TMEM117: variants seen among roughly 807,000 people sequenced by gnomAD.
The protein encoded by TMEM117 is transmembrane protein 117.
TMEM117 carries 27 observed loss-of-function variants against 52.4 expected under a neutral mutation model. That is an observed-to-expected ratio of 0.51 (90% CI 0.38 to 0.71). The LOEUF is 0.71. TMEM117 is among the 30% of genes least tolerant of loss of function. TMEM117 has a pLI of 0.00. For synonymous variants in TMEM117, 215 were observed against 206.3 expected, an observed-to-expected ratio of 1.04 and a Z score of -0.36; for missense variants, 556 against 630.5, an observed-to-expected ratio of 0.88 and a Z score of 1.26.
At chr12:43,985,897 CTA>C (rs1354615286) in intron 3 of TMEM117, among the ~76,000 whole-genome samples, 1 of 152,164 alleles carries the variant, frequency 6.6e-6, no homozygotes, top group Non-Finnish European at 1.5e-5. Context: ...GTTGAAAGTT[CTA>C]TGTTTGTTGG....
intron 3 of TMEM117, among the ~76,000 whole-genome samples, chr12:44,117,469 G>A (rs552591666): frequency 4.6e-5 from 7 of 152,034 alleles, no homozygotes; most frequent in East Asian, 1.9e-4. Context: ...ATCATGATTG[G>A]TCTTGTCCCC....
At chr12:43,920,635 C>G (rs1944678439) in intron 2 of TMEM117, among the ~76,000 whole-genome samples, 1 of 145,224 alleles carries the variant, frequency 6.9e-6, no homozygotes, top group Non-Finnish European at 1.5e-5. Context: ...ACTGCAGCCT[C>G]AAACTCCTGG....
At chr12:44,016,345 A>G (rs971667759) in intron 3 of TMEM117, among the ~76,000 whole-genome samples, 3 of 152,174 alleles carry the variant, frequency 2.0e-5, no homozygotes, top group African/African-American at 7.2e-5. Flanking sequence ...GTTTGCTTGC[A>G]GACCTAACTT....
intron 3 of TMEM117, among the ~76,000 whole-genome samples, chr12:44,020,378 A>G (rs1340678091): frequency 6.6e-6 from 1 of 152,164 alleles, no homozygotes; most frequent in Non-Finnish European, 1.5e-5. Flanking sequence ...CTCTTGGTCA[A>G]AGACCAACTG....
intron 3 of TMEM117, among the ~76,000 whole-genome samples, chr12:44,034,207 G>A (rs1946676891): frequency 6.6e-6 from 1 of 152,090 alleles, no homozygotes; most frequent in Non-Finnish European, 1.5e-5. Flanking sequence ...AAACCCTCCT[G>A]CTACATACAT....
At chr12:44,376,793 A>G in intron 7 of TMEM117, 69 bp downstream of exon 7, 2 of 1,473,762 alleles carry the variant, frequency 1.4e-6, no homozygotes, top group Non-Finnish European at 1.8e-6. Context: ...AGTTGCTGTA[A>G]AAAGCAAGCC....
intron 3 of TMEM117, among the ~76,000 whole-genome samples, chr12:44,090,398 TTTTATTTATTTA>T (rs199595783): frequency 0.036 from 4,434 of 123,156 alleles, 123 homozygotes; most frequent in African/African-American, 0.087. Context: ...TTATCTTACT[TTTTATTTATTTA>T]TTTATTTATT....
intron 5 of TMEM117, among the ~76,000 whole-genome samples, chr12:44,242,575 A>G (rs186687098): frequency 6.3e-4 from 96 of 151,374 alleles, no homozygotes; most frequent in South Asian, 1.7e-3. Context: ...TGCCTTTGCC[A>G]TTGTGAATAG....
At chr12:44,248,813 CT>C in intron 5 of TMEM117, 1 of 169,038 alleles carries the variant, frequency 5.9e-6, no homozygotes. Context: ...CAGAGAGCTT[CT>C]TTTGGTTTTC....
chr12:43,930,710 C>T (rs190080061), intron 2 of TMEM117, among the ~76,000 whole-genome samples: 151 of 152,260 alleles, frequency 9.9e-4, no homozygotes, highest in African/African-American at 3.3e-3. Context: ...TTATGACATC[C>T]GTTGTTGCTG....
At chr12:44,322,652 C>T (rs1367156216) in intron 6 of TMEM117, among the ~76,000 whole-genome samples, 1 of 152,032 alleles carries the variant, frequency 6.6e-6, no homozygotes, top group Non-Finnish European at 1.5e-5. Context: ...TAAAAAGGAA[C>T]TTGCAAATCT....
chr12:43,905,048 C>G (rs1450472030), intron 2 of TMEM117, among the ~76,000 whole-genome samples: 1 of 151,876 alleles, frequency 6.6e-6, no homozygotes, highest in Non-Finnish European at 1.5e-5. Context: ...GAGGCTGAGG[C>G]AGGAGGATTG....
At chr12:43,896,016 T>A (rs770465366) in intron 2 of TMEM117, among the ~76,000 whole-genome samples, 2 of 152,208 alleles carry the variant, frequency 1.3e-5, no homozygotes, top group African/African-American at 4.8e-5. Context: ...CCCATTCAGA[T>A]TGAGGGTGGG....
At chr12:43,883,082 C>T (rs999712238) in intron 2 of TMEM117, among the ~76,000 whole-genome samples, 14 of 151,862 alleles carry the variant, frequency 9.2e-5, no homozygotes, top group Non-Finnish European at 1.3e-4. Context: ...GTTTTTGTAT[C>T]CATTATAAAA....
chr12:43,815,771 A>G, the TMEM117 span, among the ~76,000 whole-genome samples: 1 of 152,250 alleles, frequency 6.6e-6, no homozygotes, highest in African/African-American at 2.4e-5. Flanking sequence ...GCACACATGC[A>G]AAACAACACT....
chr12:44,102,728 A>T (rs1947883657), intron 3 of TMEM117, among the ~76,000 whole-genome samples: 1 of 151,846 alleles, frequency 6.6e-6, no homozygotes, highest in Non-Finnish European at 1.5e-5. Context: ...AATATTTTGG[A>T]TAAGAGGATG....
At chr12:44,228,180 A>C (rs909770514) in intron 5 of TMEM117, among the ~76,000 whole-genome samples, 1 of 152,122 alleles carries the variant, frequency 6.6e-6, no homozygotes, top group African/African-American at 2.4e-5. Context: ...TACATTTTTA[A>C]AGATTGTTCT....
chr12:44,359,947 T>G (rs1297829728), intron 6 of TMEM117, among the ~76,000 whole-genome samples: 1 of 152,178 alleles, frequency 6.6e-6, no homozygotes, highest in Non-Finnish European at 1.5e-5. Flanking sequence ...TCAATTCAAT[T>G]TCTTTGGTAG....
At chr12:44,049,566 A>G (rs1020531334) in intron 3 of TMEM117, among the ~76,000 whole-genome samples, 5 of 151,550 alleles carry the variant, frequency 3.3e-5, no homozygotes, top group African/African-American at 1.2e-4. Context: ...AAAAAAAAAA[A>G]AAGAAATGCC....
Sources: allele counts gnomAD v4.1 joint callset (sites outside exome capture counted in the v4.1 genomes callset), GRCh38; gene constraint gnomAD v4.1.1; transcripts MANE v1.5; gene names NCBI Gene and HGNC (gene_info 2026-07-23, HGNC 2026-07-21).